The following UCHL5 variants were observed in gnomAD, a reference collection of about 807,000 sequenced individuals.
UCHL5 encodes the protein ubiquitin C-terminal hydrolase L5.
UCHL5 carries 34 observed loss-of-function variants against 53.8 expected under a neutral mutation model. The observed-to-expected ratio is 0.63, with a 90% CI of 0.48 to 0.84. UCHL5 has a LOEUF of 0.84. Ranked by LOEUF, UCHL5 falls within the 40% of genes least tolerant of loss-of-function variation. The pLI is 0.00. For synonymous variants in UCHL5, 111 were observed against 126.3 expected, an observed-to-expected ratio of 0.88 and a Z score of 0.81; for missense variants, 290 against 385.6, an observed-to-expected ratio of 0.75 and a Z score of 2.08.
At chr1:193,039,659 T>C (rs1195404478) in intron 3 of UCHL5, among the ~76,000 whole-genome samples, 1 of 152,152 alleles carries the variant, frequency 6.6e-6, no homozygotes. Flanking sequence ...CCAAAATTTA[T>C]ACGGAACACA....
chr1:193,020,354 G>A, intron 10 of UCHL5: 2 of 1,548,214 alleles, frequency 1.3e-6, no homozygotes, highest in Admixed American at 2.0e-5. Flanking sequence ...TATTTGCCTA[G>A]TAGTGTCTTC....
chr1:193,018,812 C>G, intron 10 of UCHL5: 1 of 1,563,090 alleles, frequency 6.4e-7, no homozygotes, highest in East Asian at 2.3e-5. Flanking sequence ...TTCTTTTATC[C>G]TATTTTCCCT....
chr1:193,059,062 A>G lies in UCHL5; in HGVS notation c.76+123T>C, dbSNP rs563862900. The G allele has an allele frequency of 4.4e-5, 42 of 958,794 alleles. No individual in the cohort carries two copies. Among genetic ancestry groups the G allele is most frequent in the Non-Finnish European group, 5.8e-5 (38 of 659,840 alleles). The allele number at this position is 958,794 out of a possible 1,614,324, so 59.4% of individuals were successfully genotyped here. A position where few individuals can be genotyped will look rare whatever the true frequency, so the allele number is the denominator to read the frequency against. ...GAACATCTACATTTCCCCCACCCGGACTCCAGGTTCCTGAAGTCACCTCTC... is the reference window on the plus strand; with the variant it reads ...GAACATCTACATTTCCCCCACCCGGGCTCCAGGTTCCTGAAGTCACCTCTC... On this transcript the variant is annotated intron_variant, in intron 1 of 10. Transcript: ENST00000367454. This position sits in a 1 kb window ranked among gnomAD's most constrained non-coding sequence, Gnocchi z 4.9.
intron 1 of UCHL5, among the ~76,000 whole-genome samples, chr1:193,053,380 G>A (rs1558177308): frequency 6.6e-6 from 1 of 152,162 alleles, no homozygotes; most frequent in Non-Finnish European, 1.5e-5. Flanking sequence ...AAAGCCTCCT[G>A]CACTGGTAGA....
In UCHL5 at chr1:193,018,533, G is replaced by T. The variant is rs76790310; in HGVS notation, c.943-2138C>A. 5.3e-6 allele frequency: 6 copies of T among 1,133,906 alleles called. No individual in the cohort carries two copies. In the East Asian group the frequency reaches 2.6e-4, roughly 49 times the overall value. The allele number at this position is 1,133,906 out of a possible 1,614,324, so 70.2% of individuals were successfully genotyped here. On this transcript the variant is annotated intron_variant, in intron 10 of 10. Transcript: ENST00000367454. ...TTTTTAAATGTGGTGTGTATTCAAC[G>T]AATTCATCGGTTAAAAAGTCTCACA...
intron 7 of UCHL5, among the ~76,000 whole-genome samples, chr1:193,027,711 A>G (rs186147670): frequency 1.3e-5 from 2 of 152,280 alleles, no homozygotes; most frequent in African/African-American, 4.8e-5. Context: ...AAAATAAAAA[A>G]TTATCTAACT....
intron 3 of UCHL5, among the ~76,000 whole-genome samples, chr1:193,031,801 G>T (rs899533027): frequency 1.3e-5 from 2 of 152,074 alleles, no homozygotes; most frequent in African/African-American, 4.8e-5. Flanking sequence ...TATAGTCAAA[G>T]TTCTATTTGA....
At position 193,013,302 on chromosome 1, in the gene UCHL5, C is replaced by T. The variant is rs1037976899; in HGVS notation, c.*3049G>A. The stretch of plus-strand genomic sequence containing the variant: ...CTCTGGAGACTTAAGCTTGAAACCG[C>T]TCCTCCAAACCTTCCAATGATTTTG... On this transcript the variant is annotated 3_prime_UTR_variant, in exon 11 of 11. Transcript: ENST00000367454. The T allele has an allele frequency of 5.3e-5, 8 of 152,174 alleles. No homozygotes were observed. The highest frequency in any genetic ancestry group is 1.2e-4 in the Non-Finnish European group (8 of 68,024). The allele number at this position is 152,174 out of a possible 1,614,324, so 9.4% of individuals were successfully genotyped here.
chr1:193,048,637 TGA>T (rs1264630734), intron 3 of UCHL5, among the ~76,000 whole-genome samples: 1 of 152,206 alleles, frequency 6.6e-6, no homozygotes, highest in Non-Finnish European at 1.5e-5. Flanking sequence ...CACATCTGTG[TGA>T]GACAGAACTT....
intron 10 of UCHL5, among the ~76,000 whole-genome samples, chr1:193,019,378 T>C (rs999769521): frequency 1.3e-5 from 2 of 151,712 alleles, no homozygotes; most frequent in African/African-American, 4.8e-5. Context: ...TCCTCGCAGC[T>C]AGATAAATGT....
intron 1 of UCHL5, among the ~76,000 whole-genome samples, chr1:193,053,915 T>C (rs1019736836): frequency 1.3e-5 from 2 of 151,062 alleles, no homozygotes; most frequent in Non-Finnish European, 2.9e-5. Flanking sequence ...GACAAGCACA[T>C]ACAATGCAAA....
chr1:193,018,904 A>G (rs1318901430), intron 10 of UCHL5: 2 of 1,074,722 alleles, frequency 1.9e-6, no homozygotes, highest in South Asian at 1.9e-5. Context: ...AAGTATTACC[A>G]TTAAGTAATT....
intron 1 of UCHL5, among the ~76,000 whole-genome samples, chr1:193,054,791 C>T (rs1380212837): frequency 2.6e-5 from 4 of 152,178 alleles, no homozygotes; most frequent in African/African-American, 7.2e-5. Flanking sequence ...GGAAACACCA[C>T]GTTGGACCCA....
chr1:193,059,459 CATCG>C (rs1558214427), upstream of UCHL5: 1 of 1,609,160 alleles, frequency 6.2e-7, no homozygotes, highest in Non-Finnish European at 8.5e-7. The surrounding 1 kb of genome is among the most constrained non-coding windows in gnomAD (Gnocchi z 4.9). Flanking sequence ...ACCCTAGAGA[CATCG>C]AAACTCTTCC....
intron 9 of UCHL5, among the ~76,000 whole-genome samples, chr1:193,022,241 T>C (rs1352967686): frequency 6.6e-6 from 1 of 152,156 alleles, no homozygotes; most frequent in Admixed American, 6.6e-5. Flanking sequence ...CTGTTGTCTG[T>C]TAAGTATGAT....
At chr1:193,033,722 A>AG (rs1319616526) in intron 3 of UCHL5, among the ~76,000 whole-genome samples, 1 of 152,200 alleles carries the variant, frequency 6.6e-6, no homozygotes, top group Non-Finnish European at 1.5e-5. Context: ...AAAGATACAC[A>AG]GAAAAAAGGG....
At chr1:193,024,065 G>A (rs1360759991) in intron 7 of UCHL5, 119 bp from the exon 8 acceptor site, 2 of 751,924 alleles carry the variant, frequency 2.7e-6, no homozygotes, top group African/African-American at 1.8e-5. Context: ...CTATCAATTG[G>A]CTAGCAATAA....
chr1:193,020,510 T>C (rs1656596284), intron 10 of UCHL5: 9 of 1,423,636 alleles, frequency 6.3e-6, no homozygotes, highest in Non-Finnish European at 6.5e-6. Context: ...GATGTTCACT[T>C]TCAGAAACAC....
chr1:193,012,936 G>A lies in UCHL5; in HGVS notation c.*3415C>T, dbSNP rs993487544. On this transcript the variant is annotated 3_prime_UTR_variant, in exon 11 of 11. Coordinates refer to ENST00000367454, the MANE Select transcript of UCHL5 (RefSeq NM_001199261.3). ...GCTAGAAGTGGTGAATCTTTACCATGTCAGTCATTGGATTTAGGCCAGTTA... is the reference window on the plus strand; with the variant it reads ...GCTAGAAGTGGTGAATCTTTACCATATCAGTCATTGGATTTAGGCCAGTTA... 2 of 152,118 alleles carry A rather than the reference G, an allele frequency of 1.3e-5. No individual in the cohort carries two copies. Among genetic ancestry groups the A allele is most frequent in the Non-Finnish European group, 2.9e-5 (2 of 68,028 alleles). The allele number at this position is 152,118 out of a possible 1,614,324, so 9.4% of individuals were successfully genotyped here. A position where few individuals can be genotyped will look rare whatever the true frequency, so the allele number is the denominator to read the frequency against.
Sources: allele counts gnomAD v4.1 joint callset (sites outside exome capture counted in the v4.1 genomes callset), GRCh38; gene constraint gnomAD v4.1.1; non-coding constraint Gnocchi (gnomAD v3.1); transcripts MANE v1.5; gene names NCBI Gene and HGNC (gene_info 2026-07-23, HGNC 2026-07-21).